AGRN: variants seen among roughly 807,000 people sequenced by gnomAD.
The protein encoded by AGRN is agrin proteoglycan.
In AGRN, 106 loss-of-function variants were observed where a neutral mutation model predicts 211.0. The ratio of observed to expected loss-of-function variants is 0.50; its 90% confidence interval spans 0.43 to 0.59. The LOEUF is 0.59. Among genes scored for constraint, AGRN ranks in the 20% least tolerant of loss-of-function variants. AGRN has a pLI of 0.00. For synonymous variants in AGRN, 1,525 were observed against 1,332.5 expected (o/e 1.14, Z -3.15); for missense variants, 3,040 against 2,982.6 (o/e 1.02, Z -0.45).
chr1:1,045,195 C>T lies in AGRN; in HGVS notation c.2289C>T (p.Pro763=). Residue 763 remains proline (P), a synonymous_variant, in exon 13 of 36, where the codon CCC becomes CCT. Coordinates refer to ENST00000379370, the MANE Select transcript of AGRN (RefSeq NM_198576.4). Reference sequence around the variant, plus strand: ...TCGCCCCGCTGCCGCCTGTGGCCCCCTTACACTGTGCCCAGACGCCCTACG... The same window carrying T: ...TCGCCCCGCTGCCGCCTGTGGCCCCTTTACACTGTGCCCAGACGCCCTACG... ...PTFAPLPPVA[P]LHCAQTPYGC... is the part of the protein sequence containing the mutation. 5.0e-6 allele frequency: 8 copies of T among 1,612,738 alleles called. No homozygotes were observed. Among genetic ancestry groups the T allele is most frequent in the Non-Finnish European group, 6.8e-6 (8 of 1,179,984 alleles).
intron 3 of AGRN, among the ~76,000 whole-genome samples, chr1:1,036,661 G>T (rs1317393213): frequency 6.6e-6 from 1 of 152,254 alleles, no homozygotes; most frequent in Non-Finnish European, 1.5e-5. Context: ...CTGGGCTCTA[G>T]CCCTGCAACC....
intron 2 of AGRN, among the ~76,000 whole-genome samples, chr1:1,033,396 G>C (rs1156972165): frequency 6.6e-6 from 1 of 151,562 alleles, no homozygotes; most frequent in African/African-American, 2.4e-5. Flanking sequence ...GTCGCACGCG[G>C]CCCCCCGAGC....
intron 7 of AGRN, among the ~76,000 whole-genome samples, chr1:1,042,767 A>G (rs570930160): frequency 5.9e-5 from 9 of 151,762 alleles, no homozygotes; most frequent in African/African-American, 2.2e-4. Flanking sequence ...CTGGTGCGGC[A>G]GGGGGGGTGG....
chr1:1,034,005 A>C, intron 2 of AGRN: 1 of 563,472 alleles, frequency 1.8e-6, no homozygotes, highest in Non-Finnish European at 2.2e-6. Context: ...TCACCTCCCC[A>C]GCCCCGCGGG....
At position 1,053,980 on chromosome 1, in the gene AGRN, G is replaced by A; in HGVS notation, c.5876+3G>A. 3.8e-6 allele frequency: 6 copies of A among 1,595,094 alleles called. No individual in the cohort carries two copies. Among genetic ancestry groups the A allele is most frequent in the Non-Finnish European group, 5.1e-6 (6 of 1,171,748 alleles). On this transcript the variant is annotated splice_donor_region_variant and intron_variant, in intron 34 of 35. Transcript: ENST00000379370. ...TGGTTGCGGGTCGTGGCACATAGGT[G>A]AGTAGGGAACCCAGCGTGCCGAGAA...
At position 1,047,032 on chromosome 1, in the gene AGRN, A is replaced by G. The variant is rs1207717822; in HGVS notation, c.3388+75A>G. 14 of 1,543,926 alleles carry G rather than the reference A, an allele frequency of 9.1e-6. No individual in the cohort carries two copies. In the East Asian group the frequency reaches 2.9e-4, roughly 32 times the overall value. Reference sequence around the variant, plus strand: ...CGAGGTGCTGCCCCCTCGCCTGGGCAGCAGGTCAGTGCCGGGGGTTATGGT... The same window carrying G: ...CGAGGTGCTGCCCCCTCGCCTGGGCGGCAGGTCAGTGCCGGGGGTTATGGT... On this transcript the variant is annotated intron_variant, in intron 19 of 35. Transcript: ENST00000379370.
Position 1,045,444 on chromosome 1 carries a change from G to A in AGRN, c.2457G>A (p.Gly819=), listed in dbSNP as rs112039851. Residue 819 remains glycine (G), a synonymous_variant, in exon 14 of 36, where the codon GGG becomes GGA. Transcript: ENST00000379370. The part of the protein sequence containing the change: ...TGQCSCRPGV[G]GLRCDRCEPG... ...AGTGCTCCTGCCGCCCAGGTGTGGG[G>A]GGCCTCAGGTGTGACCGCTGTGAGC... 251 of 1,612,540 alleles carry A rather than the reference G, an allele frequency of 1.6e-4. No individual in the cohort carries two copies. The African/African-American group carries it at 2.6e-3, about 17-fold the overall frequency.
At chr1:1,034,711 G>A (rs933362323) in intron 2 of AGRN, 49 of 996,706 alleles carry the variant, frequency 4.9e-5, no homozygotes, top group African/African-American at 1.7e-5. Context: ...ACTGTAGGTG[G>A]CCGCGGGCGG....
At chr1:1,030,449 TGA>T (rs2100590875) in intron 2 of AGRN, among the ~76,000 whole-genome samples, 1 of 65,966 alleles carries the variant, frequency 1.5e-5, no homozygotes, top group Non-Finnish European at 2.9e-5. Flanking sequence ...TGGTGCTGTG[TGA>T]GATCAGCATG....
intron 2 of AGRN, among the ~76,000 whole-genome samples, chr1:1,033,164 C>T (rs1411896425): frequency 3.9e-5 from 6 of 151,990 alleles, no homozygotes; most frequent in Non-Finnish European, 8.8e-5. Context: ...GCATGGGGCT[C>T]ATTTGCATGA....
Position 1,048,448 on chromosome 1 carries a change from C to A in AGRN, c.4105+83C>A. 8.5e-7 allele frequency: 1 copy of A among 1,176,692 alleles called. No individual in the cohort carries two copies. Among genetic ancestry groups the A allele is most frequent in the Non-Finnish European group, 1.2e-6 (1 of 865,912 alleles). 72.9% of individuals were successfully genotyped at this position (1,176,692 alleles called of 1,614,324 possible). Reference sequence around the variant, plus strand: ...GGGGTGGGGCTAAGCCACCATCAGGCTTTGAGTTGGGGGCAGGAGCCCGGA... The same window carrying A: ...GGGGTGGGGCTAAGCCACCATCAGGATTTGAGTTGGGGGCAGGAGCCCGGA... On this transcript the variant is annotated intron_variant, in intron 23 of 35. Coordinates refer to ENST00000379370, the MANE Select transcript of AGRN (RefSeq NM_198576.4). The surrounding 1 kb of genome is among the most constrained non-coding windows in gnomAD (Gnocchi z 5.9).
Position 1,054,523 on chromosome 1 carries a change from G to A in AGRN, c.5952G>A (p.Gln1984=). 1 of 1,602,204 alleles carries A rather than the reference G, an allele frequency of 6.2e-7. No homozygotes were observed. The highest frequency in any genetic ancestry group is 1.7e-5 in the Admixed American group (1 of 58,610). Residue 1984 remains glutamine, a synonymous_variant, in exon 35 of 36, where the codon CAG becomes CAA. Transcript: ENST00000379370. ...GCTCCTCCCCGCTGGGCGCCACGCA[G>A]CTGGACACTGATGGAGCCCTGTGGC... The part of the protein sequence containing the change: ...VTGSSPLGAT[Q]LDTDGALWLG...
rs1644958223 is a variant in AGRN, at chr1:1,042,042, G to A, written c.1264G>A (p.Asp422Asn). The change falls in exon 7 of 36, where the codon GAC (aspartate) becomes AAC (asparagine). Residue 422 changes from aspartate to asparagine, a missense_variant. Asp to Asn is a conservative substitution (Grantham distance 23). Coordinates refer to ENST00000379370, the MANE Select transcript of AGRN (RefSeq NM_198576.4). ...CTGCTCCTGCGACCGCGTCACCTGT[G>A]ACGGGGCCTACAGGCCCGTGTGTGC... ...PRCSCDRVTC[D>N]GAYRPVCAQD... The A allele has an allele frequency of 1.9e-6, 3 of 1,609,444 alleles. No homozygotes were observed. The highest frequency in any genetic ancestry group is 2.5e-6 in the Non-Finnish European group (3 of 1,179,612).
Position 1,041,284 on chromosome 1 carries a change from C to G in AGRN, c.839C>G (p.Pro280Arg), listed in dbSNP as rs1030834348. ...TGCCCCGCGACCTGCCGTGGCGCCC[C>G]CGAGGGGACCGTCTGCGGCAGCGAC... ...CLCPATCRGA[P>R]EGTVCGSDGA... is the part of the protein sequence containing the mutation. The change falls in exon 5 of 36, where the codon CCC becomes CGC. Residue 280 changes from proline (P) to arginine (R), a missense_variant. Pro to Arg is a moderately radical substitution (Grantham distance 103). This residue lies in a region of AGRN where 1,498 missense variants were observed against 1,457.8 expected (regional missense o/e 1.03). Coordinates refer to ENST00000379370, the MANE Select transcript of AGRN (RefSeq NM_198576.4). 1 of 1,513,550 alleles carries G rather than the reference C, an allele frequency of 6.6e-7. No individual in the cohort carries two copies. The highest frequency in any genetic ancestry group is 1.4e-5 in the African/African-American group (1 of 70,124). The allele number at this position is 1,513,550 out of a possible 1,614,324, so 93.8% of individuals were successfully genotyped here. A position where few individuals can be genotyped will look rare whatever the true frequency, so the allele number is the denominator to read the frequency against.
chr1:1,047,880 C>A lies in AGRN; in HGVS notation c.3736C>A (p.Arg1246=), dbSNP rs1319416801. Residue 1246 remains arginine (R), a synonymous_variant, in exon 22 of 36, where the codon CGA becomes AGA. Coordinates refer to ENST00000379370, the MANE Select transcript of AGRN (RefSeq NM_198576.4). ...GAGGCGGCCGCTGCAGGAGCACGTGCGATTTATGGACTTTGGTGAGCGCCA... is the reference window on the plus strand; with the variant it reads ...GAGGCGGCCGCTGCAGGAGCACGTGAGATTTATGGACTTTGGTGAGCGCCA... ...GVRRPLQEHV[R]FMDFDWFPAF... 6.2e-7 allele frequency: 1 copy of A among 1,605,434 alleles called. No homozygotes were observed. The highest frequency in any genetic ancestry group is 1.1e-5 in the South Asian group (1 of 89,968).
chr1:1,048,024 C>A lies in AGRN; in HGVS notation c.3764C>A (p.Ala1255Glu). The change falls in exon 23 of 36, where the codon GCG becomes GAG. Residue 1255 changes from alanine to glutamate, a missense_variant. Ala to Glu is a moderately radical substitution (Grantham distance 107). Transcript: ENST00000379370. This position sits in a 1 kb window ranked among gnomAD's most constrained non-coding sequence, Gnocchi z 5.9. ...VRFMDFDWFPAFITGATSGAI... is the reference protein window; with the variant it reads ...VRFMDFDWFPEFITGATSGAI... ...CCTGTGCCGGCAGACTGGTTTCCTG[C>A]GTTTATCACGGGGGCCACGTCAGGA... 6.3e-7 allele frequency: 1 copy of A among 1,584,214 alleles called. No individual in the cohort carries two copies. The highest frequency in any genetic ancestry group is 8.6e-7 in the Non-Finnish European group (1 of 1,169,460).
Position 1,050,775 on chromosome 1 carries a change from C to T in AGRN, c.5191C>T (p.Arg1731Ter), listed in dbSNP as rs1315464689. 2 of 1,602,558 alleles carry T rather than the reference C, an allele frequency of 1.2e-6. No individual in the cohort carries two copies. The highest frequency in any genetic ancestry group is 3.4e-5 in the Admixed American group (2 of 59,258). Residue 1731 changes from arginine to a stop codon, truncating the protein, a stop_gained, in exon 30 of 36, where the codon CGA becomes TGA. Coordinates refer to ENST00000379370, the MANE Select transcript of AGRN (RefSeq NM_198576.4). LOFTEE classifies it high-confidence loss of function. The stretch of plus-strand genomic sequence containing the variant: ...AGCCTGGACCAGGGTCTCACTGGAG[C>T]GAAACGGCCGCAAGGGTGCCCTGCG... Reference protein sequence around the residue: ...LGAWTRVSLERNGRKGALRVG... With the variant: ...LGAWTRVSLE
chr1:1,041,416 G>C lies in AGRN; in HGVS notation c.952+19G>C. ...CCTTGTGGTGAGCGCGGCGGCGGGC[G>C]CACGGCTCGAGCTCTGTGGGCGCGC... On this transcript the variant is annotated intron_variant, in intron 5 of 35. Transcript: ENST00000379370. The C allele has an allele frequency of 6.5e-7, 1 of 1,543,372 alleles. No individual in the cohort carries two copies. The highest frequency in any genetic ancestry group is 8.7e-7 in the Non-Finnish European group (1 of 1,151,176).
At chr1:1,021,419 C>T (rs1035535174) in intron 1 of AGRN, among the ~76,000 whole-genome samples, 1 of 152,240 alleles carries the variant, frequency 6.6e-6, no homozygotes, top group Non-Finnish European at 1.5e-5. Context: ...CTGCGGATGC[C>T]GCAGTCCTGA....
Sources: gnomAD v4.1 joint callset for allele counts (sites outside exome capture counted in the v4.1 genomes callset) on GRCh38, gnomAD v4.1.1 for gene constraint, gnomAD v4.1.1 regional missense constraint, Gnocchi (gnomAD v3.1) non-coding constraint, MANE v1.5 for transcripts, NCBI Gene and HGNC (gene_info 2026-07-23, HGNC 2026-07-21) for gene names.